The following SPATA22 variants were observed in gnomAD, a reference collection of about 807,000 sequenced individuals.
SPATA22 encodes spermatogenesis-associated protein 22.
In SPATA22, 29 loss-of-function variants were observed where a neutral mutation model predicts 47.8. That is an observed-to-expected ratio of 0.61 (90% CI 0.45 to 0.83). SPATA22 has a LOEUF of 0.83. Ranked by LOEUF, SPATA22 falls within the 40% of genes least tolerant of loss-of-function variation. The pLI, the probability that SPATA22 is intolerant of heterozygous loss-of-function variation, is 0.00. For missense variants in SPATA22, 410 were observed against 421.7 expected (o/e 0.97, Z 0.24); for synonymous variants, 133 against 140.9 (o/e 0.94, Z 0.40).
At chr17:3,494,777 G>A (rs1368280769) in intron 1 of SPATA22, among the ~76,000 whole-genome samples, 1 of 152,178 alleles carries the variant, frequency 6.6e-6, no homozygotes, top group Admixed American at 6.5e-5. Context: ...TGGGAGAGGA[G>A]TGGTCAGACA....
At chr17:3,476,330 A>G (rs1301668898), upstream of SPATA22, 1 of 1,614,196 alleles carries the variant, frequency 6.2e-7, no homozygotes, top group Admixed American at 1.7e-5. Flanking sequence ...ACCCCAGAGC[A>G]GTGAAGAAGT....
upstream of SPATA22, among the ~76,000 whole-genome samples, chr17:3,472,636 A>G (rs992471172): frequency 3.3e-5 from 5 of 152,322 alleles, no homozygotes; most frequent in South Asian, 1.0e-3. Flanking sequence ...GGAACTTACT[A>G]TGGGCCAGGT....
intron 1 of SPATA22, among the ~76,000 whole-genome samples, chr17:3,508,750 T>A: frequency 1.5e-5 from 1 of 68,324 alleles, no homozygotes; most frequent in African/African-American, 6.2e-5. Context: ...GGGACTGTTG[T>A]GGGGTGGGGG....
intron 1 of SPATA22, chr17:3,510,546 C>A (rs183995713): frequency 4.6e-5 from 7 of 152,322 alleles, no homozygotes; most frequent in Admixed American, 3.9e-4. Flanking sequence ...AAAACCATTT[C>A]TTCAATGGCA....
rs1317886345 is a variant in SPATA22 at position 3,459,172 on chromosome 17, A to G, written c.329+3311T>C. Among the ~76,000 whole-genome samples the G allele has an allele frequency of 2.6e-5, 4 of 152,164 alleles. No individual in the cohort carries two copies. The East Asian group carries it at 5.8e-4, about 22-fold the overall frequency. On this transcript the variant is annotated intron_variant, in intron 5 of 8. Transcript: ENST00000572969. Reference sequence around the variant, plus strand: ...TCAAAGGGTACAAACTTTCAGTTACATAGAATGAGTAAATTCTAGAGATCT... The same window carrying G: ...TCAAAGGGTACAAACTTTCAGTTACGTAGAATGAGTAAATTCTAGAGATCT...
intron 1 of SPATA22, among the ~76,000 whole-genome samples, chr17:3,491,494 C>T (rs2073822992): frequency 6.6e-6 from 1 of 152,120 alleles, no homozygotes; most frequent in South Asian, 2.1e-4. Context: ...TGCCTGTAAT[C>T]CTTGCACTTT....
At chr17:3,481,876 A>G in intron 1 of SPATA22, 3 of 1,333,238 alleles carry the variant, frequency 2.3e-6, no homozygotes, top group Admixed American at 2.0e-5. Flanking sequence ...AGACAATCAG[A>G]AAACAGTTAT....
intron 1 of SPATA22, among the ~76,000 whole-genome samples, chr17:3,497,113 T>A (rs936295860): frequency 6.6e-6 from 1 of 152,178 alleles, no homozygotes; most frequent in Non-Finnish European, 1.5e-5. Context: ...CCAGGGGCTC[T>A]GATCTAATTC....
chr17:3,458,652 G>A (rs999907466), intron 5 of SPATA22, among the ~76,000 whole-genome samples: 1 of 151,826 alleles, frequency 6.6e-6, no homozygotes, highest in African/African-American at 2.4e-5. Flanking sequence ...AGACCAGCCT[G>A]GCCAACATGG....
chr17:3,493,441 G>C (rs537453768), intron 1 of SPATA22, among the ~76,000 whole-genome samples: 2 of 150,990 alleles, frequency 1.3e-5, no homozygotes, highest in Non-Finnish European at 2.9e-5. Context: ...CATGCCCATA[G>C]TCCCAGCTAC....
intron 1 of SPATA22, among the ~76,000 whole-genome samples, chr17:3,505,826 C>T (rs1345369539): frequency 2.7e-5 from 4 of 150,560 alleles, no homozygotes; most frequent in South Asian, 2.1e-4. Context: ...GGCATGATCT[C>T]CGCTCACTGT....
chr17:3,470,540 G>T (rs2073405019), intron 1 of SPATA22, among the ~76,000 whole-genome samples: 1 of 151,900 alleles, frequency 6.6e-6, no homozygotes, highest in South Asian at 2.1e-4. Context: ...ACGAGATCAG[G>T]AGATCAAGAC....
At chr17:3,459,320 T>C (rs2073070942) in intron 5 of SPATA22, among the ~76,000 whole-genome samples, 1 of 152,214 alleles carries the variant, frequency 6.6e-6, no homozygotes, top group South Asian at 2.1e-4. Flanking sequence ...GAGATGGATA[T>C]GTTAATTAGC....
chr17:3,443,132 T>C, intron 8 of SPATA22, 42 bp downstream of exon 8: 1 of 1,339,956 alleles, frequency 7.5e-7, no homozygotes, highest in Non-Finnish European at 1.1e-6. Flanking sequence ...GTTTATATTC[T>C]GTTGACATAG....
At chr17:3,444,997 G>T (rs1375556813) in intron 7 of SPATA22, among the ~76,000 whole-genome samples, 1 of 151,988 alleles carries the variant, frequency 6.6e-6, no homozygotes, top group Non-Finnish European at 1.5e-5. Flanking sequence ...TTCTTAAAAG[G>T]ATTATTCTGG....
chr17:3,446,703 G>A (rs931269975), intron 6 of SPATA22, 102 bp from the exon 7 acceptor site: 3 of 960,664 alleles, frequency 3.1e-6, no homozygotes, highest in African/African-American at 3.4e-5. Context: ...CAATGGACAA[G>A]TGTGTAAAAA....
intron 1 of SPATA22, among the ~76,000 whole-genome samples, chr17:3,483,338 C>A (rs537875707): frequency 6.6e-6 from 1 of 152,200 alleles, no homozygotes; most frequent in East Asian, 1.9e-4. Context: ...TGTATGTTTT[C>A]AAAGCTATAA....
intron 1 of SPATA22, among the ~76,000 whole-genome samples, chr17:3,470,281 C>T (rs554139595): frequency 1.6e-4 from 24 of 152,264 alleles, no homozygotes; most frequent in African/African-American, 5.5e-4. Flanking sequence ...CATCCCCAAT[C>T]TAATACAACG....
At chr17:3,456,969 G>A (rs992361270) in intron 5 of SPATA22, among the ~76,000 whole-genome samples, 6 of 151,370 alleles carry the variant, frequency 4.0e-5, no homozygotes, top group Non-Finnish European at 5.9e-5. Flanking sequence ...CTCAATAGAT[G>A]CAGAAAAGGC....
Sources: gnomAD v4.1 joint callset for allele counts (sites outside exome capture counted in the v4.1 genomes callset) on GRCh38, gnomAD v4.1.1 for gene constraint, MANE v1.5 for transcripts, NCBI Gene and HGNC (gene_info 2026-07-23, HGNC 2026-07-21) for gene names.